The following KANK1 variants were observed in gnomAD, a reference collection of about 807,000 sequenced individuals.
KANK1 encodes KN motif and ankyrin repeat domain-containing protein 1.
In KANK1, 109 loss-of-function variants were observed where a neutral mutation model predicts 106.2. The ratio of observed to expected loss-of-function variants is 1.03; its 90% CI spans 0.88 to 1.20. KANK1 has a LOEUF of 1.20. Ranked by LOEUF, KANK1 falls within the 50% of genes most tolerant of loss-of-function variation. KANK1 has a pLI of 0.00. For missense variants in KANK1, 2,399 were observed against 1,710.7 expected (o/e 1.40, Z -7.10); for synonymous variants, 873 against 652.2 (o/e 1.34, Z -5.16).
intron 1 of KANK1, among the ~76,000 whole-genome samples, chr9:552,735 A>T (rs2061354562): frequency 6.6e-6 from 1 of 152,200 alleles, no homozygotes; most frequent in African/African-American, 2.4e-5. Flanking sequence ...GGATCTTTAA[A>T]GAAAATATTT....
chr9:649,042 C>A (rs1052312275), intron 1 of KANK1, among the ~76,000 whole-genome samples: 2 of 152,150 alleles, frequency 1.3e-5, no homozygotes, highest in Non-Finnish European at 2.9e-5. Flanking sequence ...CATCTGACAT[C>A]TGACGTTATT....
intron 1 of KANK1, among the ~76,000 whole-genome samples, chr9:515,635 C>T (rs973053190): frequency 1.3e-5 from 2 of 151,714 alleles, no homozygotes; most frequent in African/African-American, 4.9e-5. Context: ...TTTATTTTTG[C>T]CTTTCACTTT....
At chr9:690,884 C>G (rs1388963565) in intron 2 of KANK1, among the ~76,000 whole-genome samples, 5 of 152,206 alleles carry the variant, frequency 3.3e-5, no homozygotes, top group Non-Finnish European at 7.3e-5. Flanking sequence ...CAGCAGGTTC[C>G]TTTTCTCACT....
At chr9:508,489 T>G (rs2058878127) in intron 1 of KANK1, among the ~76,000 whole-genome samples, 1 of 152,200 alleles carries the variant, frequency 6.6e-6, no homozygotes, top group Non-Finnish European at 1.5e-5. Flanking sequence ...AAAGTGAACA[T>G]AAACATATAA....
chr9:565,600 G>A (rs1817612140), intron 1 of KANK1, among the ~76,000 whole-genome samples: 1 of 152,186 alleles, frequency 6.6e-6, no homozygotes, highest in Non-Finnish European at 1.5e-5. Flanking sequence ...TGATTGGCTG[G>A]GGATGCCATC....
intron 6 of KANK1, chr9:733,606 A>C (rs978370523): frequency 6.6e-6 from 1 of 152,080 alleles, no homozygotes; most frequent in Non-Finnish European, 1.5e-5. Flanking sequence ...ACAATATAGT[A>C]AGACCTCATC....
chr9:724,264 C>G (rs1366881677), intron 3 of KANK1, among the ~76,000 whole-genome samples: 1 of 152,096 alleles, frequency 6.6e-6, no homozygotes, highest in East Asian at 1.9e-4. Flanking sequence ...GATTGAATCT[C>G]TAGCTGTTGC....
chr9:538,903 G>A (rs1331406813), intron 1 of KANK1, among the ~76,000 whole-genome samples: 1 of 152,024 alleles, frequency 6.6e-6, no homozygotes, highest in African/African-American at 2.4e-5. Context: ...TATTTTTTGA[G>A]ACAGTCTCAC....
At chr9:581,633 A>T (rs560173689) in intron 1 of KANK1, among the ~76,000 whole-genome samples, 1 of 152,290 alleles carries the variant, frequency 6.6e-6, no homozygotes, top group South Asian at 2.1e-4. Context: ...CTTAATCTTG[A>T]CTTTAAGCTT....
intron 3 of KANK1, among the ~76,000 whole-genome samples, chr9:477,503 G>A (rs1261980314): frequency 6.6e-6 from 1 of 152,180 alleles, no homozygotes; most frequent in Non-Finnish European, 1.5e-5. Flanking sequence ...TGTAAGAGGT[G>A]TCCCTACTGC....
intron 1 of KANK1, among the ~76,000 whole-genome samples, chr9:510,802 C>T (rs948790862): frequency 3.2e-4 from 49 of 152,270 alleles, no homozygotes; most frequent in African/African-American, 1.2e-3. Context: ...AAACACCTGC[C>T]AGAGATTAGA....
intron 1 of KANK1, among the ~76,000 whole-genome samples, chr9:555,006 C>T (rs957830311): frequency 6.6e-6 from 1 of 152,146 alleles, no homozygotes; most frequent in African/African-American, 2.4e-5. Context: ...AATGTTTTAC[C>T]GGCTGCCTGG....
intron 1 of KANK1, among the ~76,000 whole-genome samples, chr9:665,052 A>G (rs1844252839): frequency 1.3e-5 from 2 of 152,122 alleles, no homozygotes; most frequent in South Asian, 4.1e-4. Flanking sequence ...AGCTCCTTAT[A>G]TATTCTGGTT....
chr9:503,467 C>T (rs900704610), upstream of KANK1, among the ~76,000 whole-genome samples: 1 of 152,152 alleles, frequency 6.6e-6, no homozygotes, highest in Non-Finnish European at 1.5e-5. Flanking sequence ...CAGGAATTTG[C>T]AGGTGTGCTT....
At chr9:601,539 A>G (rs1414748227) in intron 1 of KANK1, among the ~76,000 whole-genome samples, 2 of 151,844 alleles carry the variant, frequency 1.3e-5, no homozygotes, top group African/African-American at 2.4e-5. Context: ...GAAGACCACA[A>G]AAGCAATGAT....
At chr9:575,175 C>T (rs1394946891) in intron 1 of KANK1, among the ~76,000 whole-genome samples, 1 of 152,200 alleles carries the variant, frequency 6.6e-6, no homozygotes, top group Non-Finnish European at 1.5e-5. Flanking sequence ...GACAAGGCAG[C>T]AGCTGATACT....
chr9:575,346 G>C (rs1376408779), intron 1 of KANK1, among the ~76,000 whole-genome samples: 1 of 152,136 alleles, frequency 6.6e-6, no homozygotes. Flanking sequence ...ACTATTCTTA[G>C]TACTTCATGA....
chr9:533,906 G>C (rs752997039), intron 1 of KANK1, among the ~76,000 whole-genome samples: 1 of 152,146 alleles, frequency 6.6e-6, no homozygotes, highest in Non-Finnish European at 1.5e-5. Context: ...AAACCACCAG[G>C]CACATTATCT....
chr9:498,183 C>G (rs2058487504), intron 3 of KANK1, among the ~76,000 whole-genome samples: 1 of 152,140 alleles, frequency 6.6e-6, no homozygotes, highest in African/African-American at 2.4e-5. Flanking sequence ...AAACTTGAGG[C>G]TTGGGGAGAT....
Sources: allele counts gnomAD v4.1 joint callset (sites outside exome capture counted in the v4.1 genomes callset), GRCh38; gene constraint gnomAD v4.1.1; transcripts MANE v1.5; gene names NCBI Gene and HGNC (gene_info 2026-07-23, HGNC 2026-07-21).